CFAP20DC: variants seen among roughly 807,000 people sequenced by gnomAD.
CFAP20DC encodes the protein CFAP20 domain containing.
CFAP20DC carries 84 observed loss-of-function variants against 101.7 expected under a neutral mutation model. That is an observed-to-expected ratio of 0.83 (90% confidence interval 0.69 to 0.99). CFAP20DC has a LOEUF of 0.99. CFAP20DC is among the 50% of genes least tolerant of loss of function. CFAP20DC has a pLI of 0.00. For missense variants in CFAP20DC, 1,007 were observed against 970.3 expected (o/e 1.04, Z -0.50); for synonymous variants, 359 against 351.2 (o/e 1.02, Z -0.25).
chr3:58,849,645 T>G (rs555635264), intron 12 of CFAP20DC, among the ~76,000 whole-genome samples: 1 of 152,170 alleles, frequency 6.6e-6, no homozygotes, highest in Non-Finnish European at 1.5e-5. Context: ...ATAAGGCATA[T>G]TTTTTACTCA....
At chr3:58,842,666 C>A (rs1005475492) in intron 13 of CFAP20DC, among the ~76,000 whole-genome samples, 2 of 152,252 alleles carry the variant, frequency 1.3e-5, no homozygotes, top group Non-Finnish European at 1.5e-5. Flanking sequence ...CCCGCCACAG[C>A]TCAAGGAGGC....
intron 15 of CFAP20DC, among the ~76,000 whole-genome samples, chr3:58,775,276 A>T (rs2071220746): frequency 6.6e-6 from 1 of 152,202 alleles, no homozygotes; most frequent in South Asian, 2.1e-4. Context: ...TGAGTGTCTG[A>T]TAAGCTTTTC....
At chr3:58,911,188 A>C (rs2107350981) in intron 6 of CFAP20DC, among the ~76,000 whole-genome samples, 1 of 152,284 alleles carries the variant, frequency 6.6e-6, no homozygotes, top group East Asian at 1.9e-4. Context: ...AGTAAAGAAG[A>C]ATGCTTCTAG....
Position 59,046,248 on chromosome 3 carries a change from T to C in CFAP20DC, c.186A>G (p.Pro62=). 1 of 1,530,852 alleles carries C rather than the reference T, an allele frequency of 6.5e-7. No homozygotes were observed. Among genetic ancestry groups the C allele is most frequent in the Non-Finnish European group, 8.7e-7 (1 of 1,144,790 alleles). 94.8% of individuals were successfully genotyped at this position (1,530,852 alleles called of 1,614,324 possible). A position where few individuals can be genotyped will look rare whatever the true frequency, so the allele number is the denominator to read the frequency against. The change falls in exon 3 of 17, where the codon CCA becomes CCG. Residue 62 remains proline (P), a synonymous_variant. Transcript: ENST00000482387. ...ACTTACGGCTTTGCTTATTCTCCTT[T>C]GGTAACTGAATTTTGTTTGTTTGGC... ...GSSQTNKIQL[P]KENKQSLGLI...
At chr3:58,911,627 C>T (rs981494797) in intron 6 of CFAP20DC, among the ~76,000 whole-genome samples, 1 of 151,984 alleles carries the variant, frequency 6.6e-6, no homozygotes, top group Non-Finnish European at 1.5e-5. Flanking sequence ...TTATAATACA[C>T]CTCAATTAAA....
intron 3 of CFAP20DC, among the ~76,000 whole-genome samples, chr3:58,723,908 T>C (rs59052023): frequency 0.025 from 3,794 of 152,316 alleles, 164 homozygotes; most frequent in African/African-American, 0.086. Flanking sequence ...CATGGTTAAA[T>C]ATATGCCCGT....
At chr3:58,900,683 CTA>C (rs1165803439) in intron 6 of CFAP20DC, among the ~76,000 whole-genome samples, 3 of 152,172 alleles carry the variant, frequency 2.0e-5, no homozygotes, top group African/African-American at 7.2e-5. Context: ...AAAGAGAAGG[CTA>C]TGAGAAAGCT....
In CFAP20DC at chr3:58,896,493, C is replaced by T. The variant is rs200291733; in HGVS notation, c.551-11784G>A. Among the ~76,000 whole-genome samples, 4 of 152,074 alleles carry T rather than the reference C, an allele frequency of 2.6e-5. No homozygotes were observed. In the East Asian group the frequency reaches 7.7e-4, roughly 29 times the overall value. On this transcript the variant is annotated intron_variant, in intron 6 of 16. Coordinates refer to ENST00000482387, the MANE Select transcript of CFAP20DC (RefSeq NM_001394063.1). ...GTGATTTAGCTTGTTAACTTGTGAT[C>T]TTTCTAGCTTTTTGATGTGGGCATT...
intron 6 of CFAP20DC, among the ~76,000 whole-genome samples, chr3:58,910,298 G>C (rs780758258): frequency 6.6e-6 from 1 of 151,832 alleles, no homozygotes; most frequent in Non-Finnish European, 1.5e-5. Flanking sequence ...GAATATCTTC[G>C]AGATATTTTC....
intron 15 of CFAP20DC, among the ~76,000 whole-genome samples, chr3:58,803,272 T>C (rs568833340): frequency 6.6e-6 from 1 of 152,320 alleles, no homozygotes; most frequent in African/African-American, 2.4e-5. Context: ...CCACACTTCA[T>C]TCAGGAAACC....
At chr3:58,849,460 A>T in intron 12 of CFAP20DC, 51 bp from the exon 13 acceptor site, 10 of 1,341,104 alleles carry the variant, frequency 7.5e-6, no homozygotes, top group Non-Finnish European at 9.9e-6. Context: ...TTTGTGGTGA[A>T]TAAGTTACTG....
intron 15 of CFAP20DC, chr3:58,794,320 G>A (rs568546741): frequency 2.9e-5 from 13 of 455,056 alleles, no homozygotes; most frequent in African/African-American, 2.6e-4. Context: ...GGATGGCAAA[G>A]GACCTAAAGG....
chr3:58,986,332 T>C (rs2092750368), intron 4 of CFAP20DC, among the ~76,000 whole-genome samples: 1 of 152,262 alleles, frequency 6.6e-6, no homozygotes, highest in East Asian at 1.9e-4. Flanking sequence ...TATGTGTGCA[T>C]GTGTGCACAG....
intron 12 of CFAP20DC, among the ~76,000 whole-genome samples, chr3:58,851,356 G>A (rs531658943): frequency 4.9e-4 from 74 of 152,270 alleles, no homozygotes; most frequent in African/African-American, 1.7e-3. Flanking sequence ...TTAAGGCAAT[G>A]GCAGTGATGA....
At chr3:58,838,648 T>C (rs1484255108) in intron 13 of CFAP20DC, among the ~76,000 whole-genome samples, 1 of 152,228 alleles carries the variant, frequency 6.6e-6, no homozygotes, top group African/African-American at 2.4e-5. Context: ...AACTTTTTAC[T>C]CTATGACCTA....
chr3:58,769,352 C>T (rs375144107), intron 15 of CFAP20DC, among the ~76,000 whole-genome samples: 10 of 152,064 alleles, frequency 6.6e-5, no homozygotes, highest in East Asian at 5.8e-4. Context: ...AGAAGATGTC[C>T]GGAAAGATTC....
rs532522994 is a variant in CFAP20DC at position 58,795,366 on chromosome 3, C to T, written c.2237+11029G>A. Among the ~76,000 whole-genome samples the T allele has an allele frequency of 2.2e-4, 34 of 152,298 alleles. No individual in the cohort carries two copies. The South Asian group carries it at 5.4e-3, about 24-fold the overall frequency. ...AAGATGTCAAGATTCTGCCAGGTGC[C>T]GTGGCTCACGCCTGTAACCCAGCCC... On this transcript the variant is annotated intron_variant, in intron 15 of 16. Coordinates refer to ENST00000482387, the MANE Select transcript of CFAP20DC (RefSeq NM_001394063.1). The surrounding 1 kb of genome is among the most constrained non-coding windows in gnomAD (Gnocchi z 4.2).
chr3:58,987,117 C>T (rs2092779325), intron 4 of CFAP20DC, among the ~76,000 whole-genome samples: 1 of 151,950 alleles, frequency 6.6e-6, no homozygotes. Context: ...AAAGAAATTA[C>T]TCAGAATGGA....
chr3:58,742,099 A>C lies in CFAP20DC; in HGVS notation c.*361T>G. 1 of 962,216 alleles carries C rather than the reference A, an allele frequency of 1.0e-6. No homozygotes were observed. Among genetic ancestry groups the C allele is most frequent in the Non-Finnish European group, 1.2e-6 (1 of 808,044 alleles). The allele number at this position is 962,216 out of a possible 1,614,324, so 59.6% of individuals were successfully genotyped here. A position where few individuals can be genotyped will look rare whatever the true frequency, so the allele number is the denominator to read the frequency against. On this transcript the variant is annotated 3_prime_UTR_variant, in exon 17 of 17. Transcript: ENST00000482387. ...TTAAGCAAAAATACATTTTCTGTAC[A>C]TCAAGCCATCATTTACAGATTAACA...
Sources: allele counts gnomAD v4.1 joint callset (sites outside exome capture counted in the v4.1 genomes callset), GRCh38; gene constraint gnomAD v4.1.1; non-coding constraint Gnocchi (gnomAD v3.1); transcripts MANE v1.5; gene names NCBI Gene and HGNC (gene_info 2026-07-23, HGNC 2026-07-21).